MDGA2: variants seen among roughly 807,000 people sequenced by gnomAD.
The protein encoded by MDGA2 is MAM domain containing glycosylphosphatidylinositol anchor 2.
Under a neutral mutation model 117.8 loss-of-function variants are expected in MDGA2, and 40 were observed. The observed-to-expected ratio is 0.34, with a 90% CI of 0.26 to 0.44. The LOEUF is 0.44. Ranked by LOEUF, MDGA2 falls within the 20% of genes least tolerant of loss-of-function variation. The probability of loss-of-function intolerance (pLI) is 1.00; values close to 1 mark genes in which losing one functional copy is unlikely to be tolerated. For missense variants in MDGA2, 1,123 were observed against 1,250.6 expected (o/e 0.90, Z 1.54); for synonymous variants, 452 against 439.0 (o/e 1.03, Z -0.37).
At chr14:47,644,055 G>A (rs760109657) in intron 1 of MDGA2, among the ~76,000 whole-genome samples, 9 of 152,062 alleles carry the variant, frequency 5.9e-5, no homozygotes, top group Admixed American at 1.3e-4. Flanking sequence ...GCATCTATAC[G>A]CCTACTGTAA....
chr14:47,664,051 G>A (rs1011840622), intron 1 of MDGA2, among the ~76,000 whole-genome samples: 4 of 152,106 alleles, frequency 2.6e-5, no homozygotes, highest in African/African-American at 7.2e-5. Context: ...TCAAATGAGG[G>A]GGAGGATGCC....
intron 1 of MDGA2, among the ~76,000 whole-genome samples, chr14:47,476,060 T>A (rs917896792): frequency 2.0e-5 from 3 of 152,186 alleles, no homozygotes; most frequent in Non-Finnish European, 4.4e-5. Flanking sequence ...AAAATCAATT[T>A]AAAATCAATT....
intron 5 of MDGA2, among the ~76,000 whole-genome samples, chr14:47,112,984 T>C (rs1013576185): frequency 5.3e-5 from 8 of 152,198 alleles, no homozygotes; most frequent in African/African-American, 1.4e-4. Context: ...TGCATTTCTC[T>C]AGTAATCAGT....
intron 1 of MDGA2, among the ~76,000 whole-genome samples, chr14:47,511,580 TTTTG>T (rs1433550396): frequency 2.0e-5 from 3 of 152,186 alleles, no homozygotes; most frequent in East Asian, 1.9e-4. Flanking sequence ...AAGAGGGTTG[TTTTG>T]TTTGTTTGTT....
At chr14:47,625,933 T>C (rs1897131546) in intron 1 of MDGA2, among the ~76,000 whole-genome samples, 1 of 152,206 alleles carries the variant, frequency 6.6e-6, no homozygotes, top group Non-Finnish European at 1.5e-5. Context: ...TTTATACAGC[T>C]AATTATTCTA....
chr14:46,950,454 T>G (rs1186224070), intron 9 of MDGA2, among the ~76,000 whole-genome samples: 11 of 152,022 alleles, frequency 7.2e-5, no homozygotes, highest in Non-Finnish European at 1.6e-4. Context: ...CTTCGTATAT[T>G]ACAGAAGGCT....
intron 2 of MDGA2, among the ~76,000 whole-genome samples, chr14:47,290,738 T>G (rs953038596): frequency 2.0e-5 from 3 of 151,754 alleles, no homozygotes. Context: ...GAGTTTATTT[T>G]GGGAAATAAT....
At chr14:47,537,599 A>AAAAAAAAAAAT (rs1895247152) in intron 1 of MDGA2, among the ~76,000 whole-genome samples, 1 of 145,688 alleles carries the variant, frequency 6.9e-6, no homozygotes, top group Admixed American at 6.8e-5. Context: ...AAAAAAAAAA[A>AAAAAAAAAAAT]AAAAAAAAAA....
chr14:47,104,522 T>C (rs1880531744), intron 5 of MDGA2, among the ~76,000 whole-genome samples: 1 of 146,062 alleles, frequency 6.8e-6, no homozygotes, highest in African/African-American at 2.6e-5. Flanking sequence ...GACTGTAATT[T>C]TCCTTTACCT....
At chr14:47,672,794 C>A (rs1213484580) in intron 1 of MDGA2, among the ~76,000 whole-genome samples, 1 of 152,230 alleles carries the variant, frequency 6.6e-6, no homozygotes, top group Non-Finnish European at 1.5e-5. Context: ...AGCATTCCTA[C>A]ATCGCTAGAA....
At chr14:47,107,321 A>T (rs1178695334) in intron 5 of MDGA2, among the ~76,000 whole-genome samples, 1 of 152,134 alleles carries the variant, frequency 6.6e-6, no homozygotes, top group Non-Finnish European at 1.5e-5. Flanking sequence ...TTAGTTCAGG[A>T]TCTGCACCTT....
At chr14:47,431,136 T>C (rs890607039) in intron 1 of MDGA2, among the ~76,000 whole-genome samples, 2 of 152,074 alleles carry the variant, frequency 1.3e-5, no homozygotes, top group Admixed American at 6.6e-5. Context: ...CATGTACATA[T>C]GAATATATGA....
At chr14:47,568,374 T>G (rs1457690922) in intron 1 of MDGA2, among the ~76,000 whole-genome samples, 1 of 152,218 alleles carries the variant, frequency 6.6e-6, no homozygotes, top group African/African-American at 2.4e-5. Context: ...TGGAATTCAT[T>G]TTTTGACAAG....
intron 9 of MDGA2, among the ~76,000 whole-genome samples, chr14:46,944,414 A>G (rs1281402687): frequency 1.3e-5 from 2 of 151,684 alleles, no homozygotes; most frequent in African/African-American, 4.8e-5. Flanking sequence ...GTTTTCCACA[A>G]TTGGACTATG....
chr14:47,014,679 T>C (rs115859454), intron 8 of MDGA2, among the ~76,000 whole-genome samples: 1,932 of 152,318 alleles, frequency 0.013, 29 homozygotes, highest in African/African-American at 0.034. Flanking sequence ...TCAGCCTTCA[T>C]AGAATTGAAG....
chr14:47,634,808 G>C (rs1897297366), intron 1 of MDGA2, among the ~76,000 whole-genome samples: 1 of 151,998 alleles, frequency 6.6e-6, no homozygotes, highest in South Asian at 2.1e-4. Flanking sequence ...CTAGGCAAAA[G>C]GCTTATTGCT....
intron 1 of MDGA2, among the ~76,000 whole-genome samples, chr14:47,672,178 T>A (rs905843073): frequency 1.1e-4 from 16 of 152,166 alleles, no homozygotes; most frequent in Non-Finnish European, 1.5e-5. Context: ...TTAAAAGTAA[T>A]ACATAATTTT....
intron 14 of MDGA2, among the ~76,000 whole-genome samples, chr14:46,857,661 T>G (rs1055527390): frequency 6.6e-5 from 10 of 152,224 alleles, no homozygotes; most frequent in Admixed American, 6.5e-4. Context: ...TTTTATCTTA[T>G]TCTTTTTTTA....
At chr14:47,478,710 GAGC>G (rs1893892409) in intron 1 of MDGA2, among the ~76,000 whole-genome samples, 1 of 152,138 alleles carries the variant, frequency 6.6e-6, no homozygotes, top group Admixed American at 6.6e-5. Flanking sequence ...TAATATACAA[GAGC>G]AGTATCTCTC....
Sources: allele counts gnomAD v4.1 joint callset (sites outside exome capture counted in the v4.1 genomes callset), GRCh38; gene constraint gnomAD v4.1.1; transcripts MANE v1.5; gene names NCBI Gene and HGNC (gene_info 2026-07-23, HGNC 2026-07-21).